Variants in AHRR observed in about 807,000 individuals in gnomAD.
AHRR encodes the protein aryl hydrocarbon receptor repressor, also known as ahR repressor.
A neutral mutation model predicts 44.0 loss-of-function variants in AHRR; 28 were observed. The observed-to-expected ratio is 0.64, with a 90% CI of 0.47 to 0.87. AHRR has a LOEUF of 0.87. AHRR is among the 40% of genes least tolerant of loss of function. AHRR has a pLI of 0.00. For missense variants in AHRR, 990 were observed against 953.9 expected (o/e 1.04, Z -0.50); for synonymous variants, 434 against 407.0 (o/e 1.07, Z -0.80).
At chr5:345,802 C>G (rs541261791) in intron 2 of AHRR, among the ~76,000 whole-genome samples, 2 of 152,014 alleles carry the variant, frequency 1.3e-5, no homozygotes, top group Non-Finnish European at 2.9e-5. Flanking sequence ...CCAGGAGGAG[C>G]TGGGGCTGGG....
Position 376,670 on chromosome 5 carries a change from G to C in AHRR, c.305G>C (p.Cys102Ser). ...GGCGCCCCCTCGCCCGGAGACAGCT[G>C]TCCTCTTGCAGGGTCTGCCGTGCTG... is the stretch of plus-strand genomic sequence containing the variant. ...AAGAPSPGDS[C>S]PLAGSAVLEG... The change falls in exon 4 of 11, where the codon TGT (cysteine) becomes TCT (serine). Residue 102 changes from cysteine to serine, a missense_variant. Cys to Ser is a moderately radical substitution (Grantham distance 112, BLOSUM62 -1). Transcript: ENST00000684583. 1 of 1,607,234 alleles carries C rather than the reference G, an allele frequency of 6.2e-7. No homozygotes were observed. The highest frequency in any genetic ancestry group is 1.7e-5 in the Admixed American group (1 of 59,298).
intron 4 of AHRR, among the ~76,000 whole-genome samples, chr5:401,067 C>T (rs551723824): frequency 4.6e-5 from 7 of 152,358 alleles, no homozygotes; most frequent in Admixed American, 2.0e-4. Context: ...TCAGAGCGGG[C>T]AGTTGGATGG....
At chr5:353,964 C>T (rs137906434) in intron 3 of AHRR, 53 bp downstream of exon 3, 16,522 of 1,553,222 alleles carry the variant, frequency 0.011, 152 homozygotes, top group Middle Eastern at 0.05. Flanking sequence ...TGTGTCTCCC[C>T]TGAGTCCATC....
Position 434,041 on chromosome 5 carries a change from G to A in AHRR, c.1301G>A (p.Cys434Tyr). 6.2e-7 allele frequency: 1 copy of A among 1,610,684 alleles called. No homozygotes were observed. The highest frequency in any genetic ancestry group is 8.5e-7 in the Non-Finnish European group (1 of 1,179,018). Residue 434 changes from cysteine to tyrosine, a missense_variant, in exon 11 of 11, where the codon TGC (cysteine) becomes TAC (tyrosine). Coordinates refer to ENST00000684583, the MANE Select transcript of AHRR (RefSeq NM_001377236.1). Reference protein sequence around the residue: ...PSLRPMPRGSCLPCPCVQGTF... With the variant: ...PSLRPMPRGSYLPCPCVQGTF... ...CTGCGCCCCATGCCCCGCGGCTCCT[G>A]CCTGCCCTGCCCGTGTGTCCAGGGC...
intron 6 of AHRR, 109 bp downstream of exon 6, chr5:422,967 C>G: frequency 7.1e-7 from 1 of 1,398,852 alleles, no homozygotes. Flanking sequence ...CTTTGCCTTA[C>G]ACATTGACCT....
At chr5:392,341 G>A (rs560465525) in intron 4 of AHRR, among the ~76,000 whole-genome samples, 4 of 116,020 alleles carry the variant, frequency 3.4e-5, no homozygotes, top group Admixed American at 8.0e-5. Context: ...CGAGGAGGGC[G>A]CAGGGCGAGG....
At chr5:376,166 G>T (rs1413922679) in intron 3 of AHRR, among the ~76,000 whole-genome samples, 1 of 113,416 alleles carries the variant, frequency 8.8e-6, no homozygotes, top group Non-Finnish European at 1.7e-5. Flanking sequence ...CCCTCAAAGG[G>T]GTGCAGCCCA....
At chr5:344,694 C>G (rs1003882314) in intron 2 of AHRR, among the ~76,000 whole-genome samples, 7 of 4,508 alleles carry the variant, frequency 1.6e-3, no homozygotes, top group Admixed American at 2.6e-3. Context: ...GTGTGTGAGG[C>G]TGTGGGGGGC....
At chr5:378,550 G>A (rs1254219296) in intron 4 of AHRR, among the ~76,000 whole-genome samples, 1 of 152,238 alleles carries the variant, frequency 6.6e-6, no homozygotes, top group Non-Finnish European at 1.5e-5. Context: ...CAAGCCTCCG[G>A]CCTTCCCCAG....
chr5:425,085 C>A (rs1358240600), intron 7 of AHRR, among the ~76,000 whole-genome samples: 1 of 152,266 alleles, frequency 6.6e-6, no homozygotes, highest in African/African-American at 2.4e-5. Context: ...TGTAGCTGGG[C>A]AGGCCCCCTG....
chr5:426,867 G>A (rs1303251361), intron 7 of AHRR, among the ~76,000 whole-genome samples: 1 of 130,710 alleles, frequency 7.7e-6, no homozygotes, highest in Non-Finnish European at 1.8e-5. Context: ...ATGGGTGGAT[G>A]GATGGATGGA....
chr5:345,610 G>A (rs1742644035), intron 2 of AHRR, among the ~76,000 whole-genome samples: 1 of 151,588 alleles, frequency 6.6e-6, no homozygotes, highest in South Asian at 2.1e-4. Context: ...GTGTGTGTGG[G>A]TGTGTGTGTC....
At chr5:376,558 G>GAC in intron 3 of AHRR, 52 bp from the exon 4 acceptor site, 1 of 223,494 alleles carries the variant, frequency 4.5e-6, no homozygotes, top group Non-Finnish European at 8.0e-6. Context: ...ATGAAGAAGA[G>GAC]TGGCCAGGCC....
intron 3 of AHRR, 74 bp from the exon 4 acceptor site, chr5:376,536 G>T: frequency 4.8e-6 from 7 of 1,472,874 alleles, no homozygotes; most frequent in East Asian, 2.4e-5. Flanking sequence ...GGGAAACACA[G>T]GAAAGATGTG....
At chr5:403,997 T>C in intron 4 of AHRR, 1 of 1,045,858 alleles carries the variant, frequency 9.6e-7, no homozygotes. Context: ...TTTACAGTAA[T>C]TCGAACTTGG....
intron 4 of AHRR, among the ~76,000 whole-genome samples, chr5:397,070 GCCC>G: frequency 8.3e-6 from 1 of 120,510 alleles, no homozygotes; most frequent in African/African-American, 3.8e-5. Flanking sequence ...CATCCACGTA[GCCC>G]CTGACCATCC....
intron 1 of AHRR, among the ~76,000 whole-genome samples, chr5:340,808 T>C (rs1385504849): frequency 7.0e-6 from 1 of 143,280 alleles, no homozygotes; most frequent in Non-Finnish European, 1.5e-5. Context: ...GCAATTCTCC[T>C]ACCTCAGCCT....
intron 4 of AHRR, among the ~76,000 whole-genome samples, chr5:384,259 T>G (rs1395935813): frequency 6.6e-6 from 1 of 152,206 alleles, no homozygotes; most frequent in Non-Finnish European, 1.5e-5. Context: ...TATTTTCTTA[T>G]TTTTTAGTAG....
chr5:359,637 G>A (rs754929065), intron 3 of AHRR, among the ~76,000 whole-genome samples: 1 of 152,196 alleles, frequency 6.6e-6, no homozygotes, highest in Non-Finnish European at 1.5e-5. Context: ...CTCATCACCC[G>A]CAGCAGCATC....
Sources: allele counts gnomAD v4.1 joint callset (sites outside exome capture counted in the v4.1 genomes callset), GRCh38; gene constraint gnomAD v4.1.1; transcripts MANE v1.5; gene names NCBI Gene and HGNC (gene_info 2026-07-23, HGNC 2026-07-21).